KCNT2: variants seen among roughly 807,000 people sequenced by gnomAD.
KCNT2 encodes potassium channel subfamily T member 2.
In KCNT2, 67 loss-of-function variants were observed where a neutral mutation model predicts 153.8. The observed-to-expected ratio is 0.44, with a 90% CI of 0.36 to 0.53. KCNT2 has a LOEUF of 0.53. Ranked by LOEUF, KCNT2 falls within the 20% of genes least tolerant of loss-of-function variation. KCNT2 has a pLI of 0.00. For synonymous variants in KCNT2, 500 were observed against 458.8 expected (o/e 1.09, Z -1.15); for missense variants, 975 against 1,354.8 (o/e 0.72, Z 4.40).
rs138671143 is a variant in KCNT2 at position 196,404,254 on chromosome 1, A to C, written c.1186-5583T>G. 7.3e-4 allele frequency: 186 copies of C among 255,378 alleles called. 2 individuals are homozygous for C. Among genetic ancestry groups the C allele is most frequent in the African/African-American group, 4.1e-3 (179 of 43,370 alleles). 15.8% of individuals were successfully genotyped at this position (255,378 alleles called of 1,614,324 possible). ...TAAAAACTTGTCACTTCTGGCTTGGAGTAAGGGCAACAGCTCCCCAGTCAG... is the reference window on the plus strand; with the variant it reads ...TAAAAACTTGTCACTTCTGGCTTGGCGTAAGGGCAACAGCTCCCCAGTCAG... On this transcript the variant is annotated intron_variant, in intron 12 of 27. Coordinates refer to ENST00000294725, the MANE Select transcript of KCNT2 (RefSeq NM_198503.5).
At chr1:196,452,679 G>A (rs771783494) in intron 8 of KCNT2, among the ~76,000 whole-genome samples, 4 of 151,604 alleles carry the variant, frequency 2.6e-5, no homozygotes, top group African/African-American at 4.8e-5. Flanking sequence ...AAGAGTGTTA[G>A]TCTGGATTCT....
chr1:196,384,335 T>A (rs918629065), intron 13 of KCNT2, among the ~76,000 whole-genome samples: 5 of 152,006 alleles, frequency 3.3e-5, no homozygotes, highest in African/African-American at 1.2e-4. Flanking sequence ...CCCATACTCT[T>A]CCCTTACCAA....
At chr1:196,421,292 C>T (rs1673180477) in intron 12 of KCNT2, among the ~76,000 whole-genome samples, 1 of 152,010 alleles carries the variant, frequency 6.6e-6, no homozygotes, top group South Asian at 2.1e-4. Flanking sequence ...TCCAAATTCA[C>T]ATTACAAAGG....
intron 14 of KCNT2, among the ~76,000 whole-genome samples, chr1:196,345,647 T>C (rs897867111): frequency 6.6e-5 from 10 of 152,146 alleles, no homozygotes; most frequent in Non-Finnish European, 1.3e-4. Flanking sequence ...TGAAAACAGA[T>C]TGAAGAAGAG....
At chr1:196,440,742 A>C (rs1003316418) in intron 8 of KCNT2, among the ~76,000 whole-genome samples, 2 of 151,884 alleles carry the variant, frequency 1.3e-5, no homozygotes, top group African/African-American at 2.4e-5. Flanking sequence ...TATATAACTT[A>C]AAATACAACA....
chr1:196,450,030 A>G (rs192662077), intron 8 of KCNT2, among the ~76,000 whole-genome samples: 4 of 151,900 alleles, frequency 2.6e-5, no homozygotes, highest in Non-Finnish European at 4.4e-5. Flanking sequence ...GAAGAAGTGG[A>G]AAATAAAAAA....
intron 26 of KCNT2, among the ~76,000 whole-genome samples, chr1:196,247,321 C>T (rs1171475083): frequency 6.6e-6 from 1 of 152,122 alleles, no homozygotes; most frequent in Non-Finnish European, 1.5e-5. Context: ...TAGACTCCAA[C>T]ACAATAATAA....
chr1:196,445,905 C>CA (rs879663761), intron 8 of KCNT2, among the ~76,000 whole-genome samples: 7,586 of 142,328 alleles, frequency 0.053, 607 homozygotes, highest in African/African-American at 0.18. Flanking sequence ...CCTCTTAGAC[C>CA]AAAAAAAAAA....
chr1:196,428,954 A>G (rs1293892004), intron 9 of KCNT2, among the ~76,000 whole-genome samples: 3 of 150,616 alleles, frequency 2.0e-5, no homozygotes, highest in Non-Finnish European at 4.4e-5. Context: ...TCCCTTTGCA[A>G]CCTCCCTACT....
intron 26 of KCNT2, among the ~76,000 whole-genome samples, chr1:196,249,688 A>G (rs970366667): frequency 6.6e-6 from 1 of 151,884 alleles, no homozygotes; most frequent in African/African-American, 2.4e-5. Flanking sequence ...CAGGCAAATC[A>G]CTTGAACCCA....
At chr1:196,526,080 C>CA (rs1013683343) in intron 1 of KCNT2, among the ~76,000 whole-genome samples, 1 of 149,358 alleles carries the variant, frequency 6.7e-6, no homozygotes, top group East Asian at 2.0e-4. Flanking sequence ...GAGGGGTACG[C>CA]AAAAAAGTGC....
intron 13 of KCNT2, among the ~76,000 whole-genome samples, chr1:196,392,160 A>G (rs1205961886): frequency 6.6e-6 from 1 of 151,396 alleles, no homozygotes. Context: ...CAGTTTTTGC[A>G]GTTTTTGAAT....
chr1:196,502,908 T>C (rs1023589621), intron 1 of KCNT2, among the ~76,000 whole-genome samples: 2 of 152,028 alleles, frequency 1.3e-5, no homozygotes, highest in African/African-American at 4.8e-5. Context: ...TAAAGGTATA[T>C]TTTGTCATTC....
Position 196,319,604 on chromosome 1 carries a change from C to T in KCNT2, c.2277-49G>A, listed in dbSNP as rs1269124203. The stretch of plus-strand genomic sequence containing the variant: ...ATGAAACACAATGTCACAACAGTGG[C>T]AGCACTTCTAGGGAAAGGAAGTAAG... On this transcript the variant is annotated intron_variant, in intron 19 of 27. Coordinates refer to ENST00000294725, the MANE Select transcript of KCNT2 (RefSeq NM_198503.5). 6.5e-6 allele frequency: 8 copies of T among 1,237,810 alleles called. No homozygotes were observed. The East Asian group carries it at 9.7e-5, about 15-fold the overall frequency. 76.7% of individuals were successfully genotyped at this position (1,237,810 alleles called of 1,614,324 possible).
intron 1 of KCNT2, among the ~76,000 whole-genome samples, chr1:196,506,299 G>A (rs540522754): frequency 1.3e-5 from 2 of 152,154 alleles, no homozygotes; most frequent in Non-Finnish European, 2.9e-5. Flanking sequence ...ATGCAACAAA[G>A]CAATGACAAC....
chr1:196,472,992 G>T (rs1557980802), intron 5 of KCNT2, among the ~76,000 whole-genome samples: 2 of 152,050 alleles, frequency 1.3e-5, no homozygotes, highest in Non-Finnish European at 2.9e-5. Flanking sequence ...ATCATGCAAG[G>T]CACTATTTCA....
rs528497095 is a variant in KCNT2 at position 196,245,990 on chromosome 1, A to G, written c.3212-9920T>C. 2.6e-5 allele frequency among the ~76,000 whole-genome samples: 4 copies of G among 152,320 alleles called. No homozygotes were observed. In the South Asian group the frequency reaches 8.3e-4, roughly 32 times the overall value. On this transcript the variant is annotated intron_variant, in intron 26 of 27. Coordinates refer to ENST00000294725, the MANE Select transcript of KCNT2 (RefSeq NM_198503.5). ...AGAAATACATCAATATATAAATACA[A>G]GATGATAATAGAACATCAAGCAGAT...
At position 196,228,001 on chromosome 1, in the gene KCNT2, G is replaced by A. The variant is rs2102203541; in HGVS notation, c.*223C>T. On this transcript the variant is annotated 3_prime_UTR_variant, in exon 28 of 28. Transcript: ENST00000294725. ...ATTTAAATTTTTGTATTTTAATTTA[G>A]CTTTTCAAATTTATTCCATTGAGGT... The A allele has an allele frequency of 2.9e-6, 1 of 348,274 alleles. No homozygotes were observed. Among genetic ancestry groups the A allele is most frequent in the South Asian group, 8.8e-5 (1 of 11,332 alleles). 21.6% of individuals were successfully genotyped at this position (348,274 alleles called of 1,614,324 possible). A position where few individuals can be genotyped will look rare whatever the true frequency, so the allele number is the denominator to read the frequency against.
intron 12 of KCNT2, among the ~76,000 whole-genome samples, chr1:196,403,760 T>TA (rs1419865397): frequency 6.6e-6 from 1 of 151,534 alleles, no homozygotes; most frequent in African/African-American, 2.4e-5. Context: ...TTTATTTTTT[T>TA]AAAAAGTAAG....
Sources: allele counts gnomAD v4.1 joint callset (sites outside exome capture counted in the v4.1 genomes callset), GRCh38; gene constraint gnomAD v4.1.1; transcripts MANE v1.5; gene names NCBI Gene and HGNC (gene_info 2026-07-23, HGNC 2026-07-21).